EPHB1: variants seen among roughly 807,000 people sequenced by gnomAD.
EPHB1 encodes ephrin type-B receptor 1.
In EPHB1, 30 loss-of-function variants were observed where a neutral mutation model predicts 94.4. That is an observed-to-expected ratio of 0.32 (90% CI 0.24 to 0.43). The LOEUF is 0.43. Ranked by LOEUF, EPHB1 falls within the 20% of genes least tolerant of loss-of-function variation. The pLI is 1.00. For synonymous variants in EPHB1, 522 were observed against 489.1 expected, an observed-to-expected ratio of 1.07 and a Z score of -0.89; for missense variants, 1,055 against 1,308.3, an observed-to-expected ratio of 0.81 and a Z score of 2.99.
chr3:135,044,686 A>G (rs1044129709), intron 3 of EPHB1, among the ~76,000 whole-genome samples: 1 of 152,230 alleles, frequency 6.6e-6, no homozygotes, highest in Non-Finnish European at 1.5e-5. Context: ...CACAATGTCT[A>G]TTCTTGAGCA....
intron 5 of EPHB1, among the ~76,000 whole-genome samples, chr3:135,151,441 G>A (rs1314700734): frequency 6.6e-6 from 1 of 152,028 alleles, no homozygotes; most frequent in African/African-American, 2.4e-5. Flanking sequence ...TGCTTCTCAG[G>A]CAGCCTTCCC....
intron 1 of EPHB1, among the ~76,000 whole-genome samples, chr3:134,807,495 G>C (rs2036085954): frequency 1.1e-4 from 1 of 9,412 alleles, no homozygotes; most frequent in South Asian, 1.6e-3. Flanking sequence ...TGGGGAAGGA[G>C]TGTGTGTGTG....
intron 1 of EPHB1, among the ~76,000 whole-genome samples, chr3:134,896,523 C>A (rs1007573074): frequency 3.9e-5 from 6 of 152,192 alleles, no homozygotes; most frequent in African/African-American, 1.4e-4. Flanking sequence ...TTATTTCCAC[C>A]CCCACTGATG....
chr3:134,848,937 T>C (rs1441137274), intron 1 of EPHB1, among the ~76,000 whole-genome samples: 1 of 152,256 alleles, frequency 6.6e-6, no homozygotes, highest in Non-Finnish European at 1.5e-5. Flanking sequence ...AAGAGCTGTA[T>C]TTTGAGTATC....
At chr3:134,925,241 G>C (rs1281909212) in intron 1 of EPHB1, among the ~76,000 whole-genome samples, 1 of 152,144 alleles carries the variant, frequency 6.6e-6, no homozygotes, top group Non-Finnish European at 1.5e-5. Flanking sequence ...TGAAACCTTT[G>C]ACAAAGCTAT....
chr3:135,149,342 C>T (rs1166513310), intron 5 of EPHB1, among the ~76,000 whole-genome samples: 1 of 152,190 alleles, frequency 6.6e-6, no homozygotes, highest in African/African-American at 2.4e-5. Flanking sequence ...CAAACTATCC[C>T]TTCATCTGAG....
intron 1 of EPHB1, among the ~76,000 whole-genome samples, chr3:134,800,302 T>A (rs189354385): frequency 1.3e-5 from 2 of 152,338 alleles, no homozygotes; most frequent in Non-Finnish European, 2.9e-5. Context: ...TAAGATGCTA[T>A]TAAAATCAAA....
intron 1 of EPHB1, among the ~76,000 whole-genome samples, chr3:134,902,098 G>A (rs1181459717): frequency 1.3e-5 from 2 of 152,204 alleles, no homozygotes; most frequent in Non-Finnish European, 2.9e-5. Context: ...ATAGAAGTCC[G>A]ACCTGTCTGT....
At chr3:135,217,473 C>T (rs368018310) in intron 12 of EPHB1, among the ~76,000 whole-genome samples, 2,230 of 149,132 alleles carry the variant, frequency 0.015, 26 homozygotes, top group Middle Eastern at 0.038. Flanking sequence ...CACACGCACA[C>T]GGGGAGAGAG....
At chr3:135,118,187 A>G (rs1939790602) in intron 4 of EPHB1, among the ~76,000 whole-genome samples, 1 of 152,126 alleles carries the variant, frequency 6.6e-6, no homozygotes, top group Non-Finnish European at 1.5e-5. Flanking sequence ...CCGTGCCCAT[A>G]CCCACACCCG....
intron 1 of EPHB1, among the ~76,000 whole-genome samples, chr3:134,839,807 G>A (rs1315828824): frequency 6.6e-6 from 1 of 152,156 alleles, no homozygotes; most frequent in Non-Finnish European, 1.5e-5. Context: ...TGGGTGGGGA[G>A]TGGAAAAGTT....
chr3:135,138,912 C>G (rs1273144796), intron 5 of EPHB1, among the ~76,000 whole-genome samples: 1 of 152,212 alleles, frequency 6.6e-6, no homozygotes, highest in Non-Finnish European at 1.5e-5. Context: ...ATGATGTGTT[C>G]TCCGTTGAGC....
At chr3:135,129,689 C>T (rs566873034) in intron 4 of EPHB1, among the ~76,000 whole-genome samples, 1 of 152,274 alleles carries the variant, frequency 6.6e-6, no homozygotes, top group South Asian at 2.1e-4. Context: ...TGGAATCTGA[C>T]TTAGGCACCT....
intron 4 of EPHB1, among the ~76,000 whole-genome samples, chr3:135,107,139 A>G (rs1199250507): frequency 6.6e-6 from 1 of 152,170 alleles, no homozygotes; most frequent in Non-Finnish European, 1.5e-5. Flanking sequence ...GCCCAGCCTG[A>G]TGTAGCATTT....
chr3:134,936,839 G>A (rs1042805233), intron 2 of EPHB1, among the ~76,000 whole-genome samples: 2 of 152,218 alleles, frequency 1.3e-5, no homozygotes, highest in Non-Finnish European at 2.9e-5. Context: ...GCCTTTAGGT[G>A]CAAACAGTTC....
chr3:134,913,921 C>A (rs2038510368), intron 1 of EPHB1, among the ~76,000 whole-genome samples: 1 of 152,110 alleles, frequency 6.6e-6, no homozygotes, highest in South Asian at 2.1e-4. Flanking sequence ...TGCTTTAGAC[C>A]CAGTTGGGGC....
At chr3:134,949,506 T>C (rs1480966218) in intron 2 of EPHB1, among the ~76,000 whole-genome samples, 1 of 152,216 alleles carries the variant, frequency 6.6e-6, no homozygotes, top group African/African-American at 2.4e-5. Flanking sequence ...CAGGGGGCTT[T>C]ACTCCTTGCA....
intron 3 of EPHB1, among the ~76,000 whole-genome samples, chr3:135,071,708 A>C (rs1390046744): frequency 5.9e-5 from 9 of 152,008 alleles, no homozygotes; most frequent in African/African-American, 2.2e-4. Context: ...TACACTAATG[A>C]CTCCAAAATT....
intron 3 of EPHB1, among the ~76,000 whole-genome samples, chr3:135,053,597 C>T (rs1173739383): frequency 2.6e-5 from 4 of 152,158 alleles, no homozygotes; most frequent in Non-Finnish European, 5.9e-5. Context: ...TCTGTATATG[C>T]ATCTTTTGTT....
Sources: allele counts gnomAD v4.1 joint callset (sites outside exome capture counted in the v4.1 genomes callset), GRCh38; gene constraint gnomAD v4.1.1; transcripts MANE v1.5; gene names NCBI Gene and HGNC (gene_info 2026-07-23, HGNC 2026-07-21).